The following CCSER1 variants were observed in gnomAD, a reference collection of about 807,000 sequenced individuals.
The protein encoded by CCSER1 is serine-rich coiled-coil domain-containing protein 1.
A neutral mutation model predicts 82.0 loss-of-function variants in CCSER1; 41 were observed. The ratio of observed to expected loss-of-function variants is 0.50; its 90% confidence interval spans 0.39 to 0.65. The LOEUF is 0.65. Among genes scored for constraint, CCSER1 ranks in the 30% least tolerant of loss-of-function variants. CCSER1 has a pLI of 0.00. For synonymous variants in CCSER1, 414 were observed against 383.9 expected, an observed-to-expected ratio of 1.08 and a Z score of -0.92; for missense variants, 1,119 against 1,064.2, an observed-to-expected ratio of 1.05 and a Z score of -0.72.
At chr4:90,718,308 CAGA>C (rs1164604975) in intron 6 of CCSER1, among the ~76,000 whole-genome samples, 1 of 152,018 alleles carries the variant, frequency 6.6e-6, no homozygotes, top group Admixed American at 6.6e-5. Flanking sequence ...TTTGTGTACT[CAGA>C]AGATTTCAGC....
At chr4:90,421,987 G>A (rs1703252298) in intron 4 of CCSER1, among the ~76,000 whole-genome samples, 1 of 152,098 alleles carries the variant, frequency 6.6e-6, no homozygotes, top group African/African-American at 2.4e-5. Context: ...ACTGAGGGAG[G>A]GAGAAGGATA....
chr4:90,705,150 T>C (rs1678766452), intron 6 of CCSER1, among the ~76,000 whole-genome samples: 1 of 152,198 alleles, frequency 6.6e-6, no homozygotes, highest in Admixed American at 6.5e-5. Flanking sequence ...GATGGGGTTT[T>C]GGTGTGGATG....
chr4:90,145,835 T>G (rs1725699783), intron 1 of CCSER1, among the ~76,000 whole-genome samples: 1 of 152,100 alleles, frequency 6.6e-6, no homozygotes, highest in Admixed American at 6.5e-5. Flanking sequence ...GAACAGATTA[T>G]AAAAAATTTT....
intron 10 of CCSER1, among the ~76,000 whole-genome samples, chr4:91,317,537 C>T (rs1300018477): frequency 4.6e-5 from 7 of 151,790 alleles, no homozygotes; most frequent in Admixed American, 4.6e-4. Flanking sequence ...TGGAAAAGTA[C>T]CTGAAACACA....
chr4:90,615,989 A>C (rs1332520406), intron 5 of CCSER1, among the ~76,000 whole-genome samples: 1 of 152,216 alleles, frequency 6.6e-6, no homozygotes, highest in East Asian at 1.9e-4. Flanking sequence ...ATCAGTCAGC[A>C]GTCATAAATA....
chr4:90,139,589 AT>A (rs1028518733), intron 1 of CCSER1, among the ~76,000 whole-genome samples: 6 of 152,052 alleles, frequency 3.9e-5, no homozygotes, highest in East Asian at 1.9e-4. Flanking sequence ...TTTCTTGGTA[AT>A]TTTTTTCCTT....
chr4:91,427,476 C>G (rs767991344), intron 10 of CCSER1, among the ~76,000 whole-genome samples: 6 of 152,022 alleles, frequency 3.9e-5, no homozygotes, highest in Non-Finnish European at 5.9e-5. Flanking sequence ...TATCTGTAAA[C>G]AATCCCATTA....
chr4:90,914,358 C>G, intron 8 of CCSER1, among the ~76,000 whole-genome samples: 1 of 152,182 alleles, frequency 6.6e-6, no homozygotes, highest in East Asian at 1.9e-4. Context: ...AACCGCTCAA[C>G]TACATGGAAA....
intron 10 of CCSER1, among the ~76,000 whole-genome samples, chr4:91,408,192 C>T (rs1752816144): frequency 6.6e-6 from 1 of 152,124 alleles, no homozygotes; most frequent in African/African-American, 2.4e-5. Flanking sequence ...AAATGGAAAA[C>T]AAAAAGTAAA....
chr4:90,464,116 T>A (rs1763317210), intron 4 of CCSER1, among the ~76,000 whole-genome samples: 1 of 152,114 alleles, frequency 6.6e-6, no homozygotes, highest in Admixed American at 6.5e-5. Context: ...AATAGCATAG[T>A]TTTTGTGGTG....
chr4:91,508,581 A>T, intron 10 of CCSER1, among the ~76,000 whole-genome samples: 1 of 150,006 alleles, frequency 6.7e-6, no homozygotes, highest in Non-Finnish European at 1.5e-5. Flanking sequence ...TTTCACATGA[A>T]GTCTTTGGTT....
At chr4:91,107,438 G>A (rs1174956331) in intron 10 of CCSER1, among the ~76,000 whole-genome samples, 1 of 152,030 alleles carries the variant, frequency 6.6e-6, no homozygotes, top group Non-Finnish European at 1.5e-5. Context: ...TGTATTTTTA[G>A]TAGAGATGGG....
chr4:91,070,971 G>A lies in CCSER1; in HGVS notation c.2173-14979G>A, dbSNP rs115078404. 8.8e-3 allele frequency among the ~76,000 whole-genome samples: 1,338 copies of A among 152,180 alleles called. 21 individuals are homozygous for A. The highest frequency in any genetic ancestry group is 0.03 in the African/African-American group (1,250 of 41,508). On this transcript the variant is annotated intron_variant, in intron 9 of 10. Transcript: ENST00000509176. The stretch of plus-strand genomic sequence containing the variant: ...TCTTAAAATTATAGAAGAAATACTA[G>A]ATTTTTGTTGGCTTAACTTTAATAA...
At chr4:90,882,544 T>C (rs574440296) in intron 8 of CCSER1, among the ~76,000 whole-genome samples, 2 of 152,178 alleles carry the variant, frequency 1.3e-5, no homozygotes, top group Admixed American at 6.5e-5. Context: ...AATGAGTTAA[T>C]ACGTGTGAAA....
intron 7 of CCSER1, among the ~76,000 whole-genome samples, chr4:90,757,933 CT>C (rs200053849): frequency 0.17 from 23,608 of 136,286 alleles, 1,166 homozygotes; most frequent in South Asian, 0.25. Context: ...GTTTCCTTTT[CT>C]TTTTTTTTTT....
At chr4:90,724,531 G>A (rs1003688934) in intron 7 of CCSER1, 1 of 207,226 alleles carries the variant, frequency 4.8e-6, no homozygotes, top group African/African-American at 2.4e-5. Context: ...ACTTTGGGAA[G>A]CTATATACAT....
chr4:91,000,592 A>AT (rs969608672), intron 9 of CCSER1, among the ~76,000 whole-genome samples: 14 of 151,732 alleles, frequency 9.2e-5, no homozygotes, highest in East Asian at 1.9e-4. Context: ...GTCATCTATG[A>AT]TTTTTTTTAG....
chr4:90,745,528 C>A (rs2149458076), intron 7 of CCSER1, among the ~76,000 whole-genome samples: 1 of 152,224 alleles, frequency 6.6e-6, no homozygotes, highest in East Asian at 1.9e-4. Context: ...TTATTTCTTA[C>A]CAAGTAACTT....
intron 6 of CCSER1, among the ~76,000 whole-genome samples, chr4:90,719,220 C>T (rs903458222): frequency 2.0e-5 from 3 of 152,006 alleles, no homozygotes; most frequent in African/African-American, 7.2e-5. Context: ...CCCTTAGGAG[C>T]GCTAACCCTA....
Sources: gnomAD v4.1 joint callset for allele counts (sites outside exome capture counted in the v4.1 genomes callset) on GRCh38, gnomAD v4.1.1 for gene constraint, MANE v1.5 for transcripts, NCBI Gene and HGNC (gene_info 2026-07-23, HGNC 2026-07-21) for gene names.